The following WDFY2 variants were observed in gnomAD, a reference collection of about 807,000 sequenced individuals.
WDFY2 encodes WD repeat and FYVE domain-containing protein 2.
Under a neutral mutation model 56.4 loss-of-function variants are expected in WDFY2, and 36 were observed. The ratio of observed to expected loss-of-function variants is 0.64; its 90% confidence interval spans 0.49 to 0.84. The LOEUF is 0.84. Among genes scored for constraint, WDFY2 ranks in the 40% least tolerant of loss-of-function variants. The pLI, the probability that WDFY2 is intolerant of heterozygous loss-of-function variation, is 0.00. For missense variants in WDFY2, 444 were observed against 512.2 expected (o/e 0.87, Z 1.29); for synonymous variants, 176 against 183.7 (o/e 0.96, Z 0.34).
chr13:51,666,794 A>G (rs1955710633), intron 2 of WDFY2, among the ~76,000 whole-genome samples: 1 of 152,080 alleles, frequency 6.6e-6, no homozygotes, highest in African/African-American at 2.4e-5. Context: ...GTTTTATTGT[A>G]TCTGCTTTTA....
At position 51,675,208 on chromosome 13, in the gene WDFY2, A is replaced by T. The variant is rs1175927881; in HGVS notation, c.244A>T (p.Arg82Ter). ...SCMSFNPETR[R>*]LSIGLDNGTI... ...CATGTCTTTTAACCCGGAAACAAGA[A>T]GACTGTCCATAGGTCTAGACAATGG... The change falls in exon 3 of 12, where the codon AGA becomes TGA. Residue 82 changes from arginine to a stop codon, truncating the protein, a stop_gained. Coordinates refer to ENST00000298125, the MANE Select transcript of WDFY2 (RefSeq NM_052950.4). LOFTEE classifies it high-confidence loss of function. The T allele has an allele frequency of 6.2e-7, 1 of 1,614,014 alleles. No homozygotes were observed. The highest frequency in any genetic ancestry group is 1.1e-5 in the South Asian group (1 of 91,076).
intron 7 of WDFY2, 126 bp downstream of exon 7, chr13:51,739,301 T>TA (rs1270223277): frequency 2.7e-6 from 3 of 1,105,026 alleles, no homozygotes; most frequent in Non-Finnish European, 3.6e-6. Flanking sequence ...GGAACACAAA[T>TA]ACTGGCCACT....
chr13:51,703,270 T>C (rs1475542625), intron 3 of WDFY2, among the ~76,000 whole-genome samples: 1 of 152,230 alleles, frequency 6.6e-6, no homozygotes, highest in Non-Finnish European at 1.5e-5. Flanking sequence ...CTTGCAAATT[T>C]TTAGCTGTGG....
At chr13:51,747,920 A>C (rs1370058914) in intron 7 of WDFY2, among the ~76,000 whole-genome samples, 2 of 152,196 alleles carry the variant, frequency 1.3e-5, no homozygotes, top group Non-Finnish European at 2.9e-5. Flanking sequence ...ACATCCTAAA[A>C]ATTTTATTTT....
At chr13:51,604,237 G>C (rs1473972108) in intron 1 of WDFY2, among the ~76,000 whole-genome samples, 1 of 152,126 alleles carries the variant, frequency 6.6e-6, no homozygotes, top group Non-Finnish European at 1.5e-5. Context: ...TTATCGACAA[G>C]GTTTCCAACT....
At chr13:51,740,416 A>G (rs1361166214) in intron 7 of WDFY2, among the ~76,000 whole-genome samples, 2 of 152,182 alleles carry the variant, frequency 1.3e-5, no homozygotes, top group African/African-American at 4.8e-5. Flanking sequence ...CACGTAAGAG[A>G]AGAAAAAAGG....
chr13:51,688,297 A>G (rs1174827346), intron 3 of WDFY2, among the ~76,000 whole-genome samples: 1 of 152,138 alleles, frequency 6.6e-6, no homozygotes, highest in Non-Finnish European at 1.5e-5. Context: ...GTGTTCATGT[A>G]ATGCGTTGTC....
intron 1 of WDFY2, among the ~76,000 whole-genome samples, chr13:51,612,091 T>C (rs150345052): frequency 1.2e-3 from 187 of 152,266 alleles, no homozygotes; most frequent in African/African-American, 4.3e-3. Flanking sequence ...CTAATTCATA[T>C]TGATATCATT....
Position 51,584,614 on chromosome 13 carries a change from G to A in WDFY2, c.-74G>A. 6.6e-7 allele frequency: 1 copy of A among 1,523,352 alleles called. No individual in the cohort carries two copies. Among genetic ancestry groups the A allele is most frequent in the Non-Finnish European group, 8.8e-7 (1 of 1,141,086 alleles). 94.4% of individuals were successfully genotyped at this position (1,523,352 alleles called of 1,614,324 possible). A position where few individuals can be genotyped will look rare whatever the true frequency, so the allele number is the denominator to read the frequency against. ...AGAGTCTCTGTCTCAACCTGTGTCC[G>A]TGCTCCAGCAGTCTCCTCAGCCCGG... On this transcript the variant is annotated 5_prime_UTR_variant, in exon 1 of 12. It adds an upstream start codon to the 5' untranslated region. Coordinates refer to ENST00000298125, the MANE Select transcript of WDFY2 (RefSeq NM_052950.4).
intron 5 of WDFY2, among the ~76,000 whole-genome samples, chr13:51,720,436 G>C (rs1952461704): frequency 6.6e-6 from 1 of 152,218 alleles, no homozygotes. Flanking sequence ...ATCTTTGAGA[G>C]GGTAGTAGTA....
intron 1 of WDFY2, among the ~76,000 whole-genome samples, chr13:51,630,695 T>C (rs1954935536): frequency 6.6e-6 from 1 of 152,108 alleles, no homozygotes; most frequent in Admixed American, 6.5e-5. Flanking sequence ...TACCCTTGGC[T>C]TTTTGTGTTA....
At chr13:51,682,792 C>T (rs1042436478) in intron 3 of WDFY2, among the ~76,000 whole-genome samples, 1 of 152,190 alleles carries the variant, frequency 6.6e-6, no homozygotes, top group African/African-American at 2.4e-5. Flanking sequence ...TCAGTAGCAG[C>T]ATCCTCCATT....
At chr13:51,636,360 T>C (rs1955051162) in intron 1 of WDFY2, among the ~76,000 whole-genome samples, 1 of 152,216 alleles carries the variant, frequency 6.6e-6, no homozygotes, top group Admixed American at 6.5e-5. Flanking sequence ...AAAACAGGCC[T>C]ATAGGCTATG....
chr13:51,724,516 C>T (rs972458851), intron 5 of WDFY2, among the ~76,000 whole-genome samples: 6 of 152,152 alleles, frequency 3.9e-5, no homozygotes, highest in South Asian at 2.1e-4. Context: ...GGATTACAGG[C>T]GTGAGCCATC....
At chr13:51,735,825 A>G (rs1383735296) in intron 6 of WDFY2, among the ~76,000 whole-genome samples, 2 of 152,194 alleles carry the variant, frequency 1.3e-5, no homozygotes, top group Admixed American at 1.3e-4. Context: ...TCCCTACACC[A>G]TCCTAAACTT....
At chr13:51,706,459 A>G (rs1476952973) in intron 4 of WDFY2, among the ~76,000 whole-genome samples, 4 of 152,214 alleles carry the variant, frequency 2.6e-5, no homozygotes, top group Non-Finnish European at 5.9e-5. Context: ...GATTTCCATA[A>G]AAGGCTGAAT....
chr13:51,607,368 G>T (rs1449131491), intron 1 of WDFY2, among the ~76,000 whole-genome samples: 1 of 152,206 alleles, frequency 6.6e-6, no homozygotes, highest in African/African-American at 2.4e-5. Context: ...CACTTCTCCA[G>T]CCTCTTCAGA....
At chr13:51,637,394 G>T (rs185694609) in intron 1 of WDFY2, among the ~76,000 whole-genome samples, 87 of 151,648 alleles carry the variant, frequency 5.7e-4, no homozygotes, top group Non-Finnish European at 1.3e-4. Flanking sequence ...TTTTGTTTTT[G>T]TTTGAAATAA....
intron 2 of WDFY2, among the ~76,000 whole-genome samples, chr13:51,661,313 A>T (rs936012828): frequency 2.6e-5 from 4 of 152,178 alleles, no homozygotes; most frequent in Non-Finnish European, 4.4e-5. Context: ...CTAGTCTTTT[A>T]TCTTTAAAAT....
Sources: gnomAD v4.1 joint callset for allele counts (sites outside exome capture counted in the v4.1 genomes callset) on GRCh38, gnomAD v4.1.1 for gene constraint, MANE v1.5 for transcripts, NCBI Gene and HGNC (gene_info 2026-07-23, HGNC 2026-07-21) for gene names.